The following RBPJ variants were observed in gnomAD, a reference collection of about 807,000 sequenced individuals.
The protein encoded by RBPJ is recombining binding protein suppressor of hairless.
In RBPJ, 9 loss-of-function variants were observed where a neutral mutation model predicts 67.8. That is an observed-to-expected ratio of 0.13 (90% confidence interval 0.08 to 0.23). RBPJ has a LOEUF of 0.23. RBPJ is among the 10% of genes least tolerant of loss of function. The pLI is 1.00. For missense variants in RBPJ, 305 were observed against 595.6 expected (o/e 0.51, Z 5.08); for synonymous variants, 198 against 203.3 (o/e 0.97, Z 0.22).
intron 1 of RBPJ, among the ~76,000 whole-genome samples, chr4:26,189,039 G>T (rs1577452266): frequency 6.6e-6 from 1 of 152,264 alleles, no homozygotes; most frequent in African/African-American, 2.4e-5. Flanking sequence ...GACCTTGGGA[G>T]TAAATGAGAA....
At chr4:26,273,814 G>A (rs1408805051) in intron 1 of RBPJ, among the ~76,000 whole-genome samples, 6 of 152,158 alleles carry the variant, frequency 3.9e-5, no homozygotes, top group East Asian at 1.9e-4. Flanking sequence ...TGCTTGGTAT[G>A]CCAACGGTTC....
intron 1 of RBPJ, among the ~76,000 whole-genome samples, chr4:26,267,653 G>T (rs994181540): frequency 2.6e-5 from 4 of 151,706 alleles, no homozygotes; most frequent in Admixed American, 6.6e-5. Context: ...TGTCACCCAG[G>T]CTGGAGTACA....
chr4:26,107,291 A>G, the RBPJ span, among the ~76,000 whole-genome samples: 3 of 152,220 alleles, frequency 2.0e-5, no homozygotes, highest in East Asian at 5.8e-4. Flanking sequence ...ACTCCTCCTA[A>G]CACACCAAAG....
chr4:26,229,585 G>A (rs1346298457), intron 1 of RBPJ, among the ~76,000 whole-genome samples: 2 of 152,142 alleles, frequency 1.3e-5, no homozygotes, highest in African/African-American at 4.8e-5. Context: ...CTGAGAGGCA[G>A]AATAAAGTAA....
At chr4:26,250,730 G>A (rs1671784081) in intron 1 of RBPJ, among the ~76,000 whole-genome samples, 1 of 152,134 alleles carries the variant, frequency 6.6e-6, no homozygotes, top group Admixed American at 6.5e-5. Context: ...CTACCTTTGG[G>A]TTATTGTAAA....
At chr4:26,274,947 AAAAAG>A (rs991070715) in intron 1 of RBPJ, among the ~76,000 whole-genome samples, 12 of 152,206 alleles carry the variant, frequency 7.9e-5, no homozygotes, top group South Asian at 2.1e-4. Flanking sequence ...AAAAAAACAA[AAAAAG>A]AAAAGAAAAG....
intron 2 of RBPJ, among the ~76,000 whole-genome samples, chr4:26,405,315 G>A (rs1307824405): frequency 6.6e-6 from 1 of 152,088 alleles, no homozygotes; most frequent in Non-Finnish European, 1.5e-5. Context: ...TGTCTTTATA[G>A]TATCAGGAAA....
chr4:26,278,801 G>A (rs1370797089), intron 1 of RBPJ, among the ~76,000 whole-genome samples: 1 of 152,186 alleles, frequency 6.6e-6, no homozygotes, highest in Non-Finnish European at 1.5e-5. Flanking sequence ...GTTTCTAGCA[G>A]ATTTGAAGTA....
At chr4:26,214,226 G>T (rs1718535428) in intron 1 of RBPJ, among the ~76,000 whole-genome samples, 1 of 141,062 alleles carries the variant, frequency 7.1e-6, no homozygotes, top group Non-Finnish European at 1.5e-5. Flanking sequence ...AGCAAAGGAA[G>T]GAGAGAAAGA....
At chr4:26,202,970 TAAGGAAGGAAG>T (rs1718036714) in intron 1 of RBPJ, among the ~76,000 whole-genome samples, 1 of 138,506 alleles carries the variant, frequency 7.2e-6, no homozygotes, top group African/African-American at 2.7e-5. Flanking sequence ...AGGAAGGAAA[TAAGGAAGGAAG>T]GAAGGAAGGA....
Position 26,430,508 on chromosome 4 carries a change from T to C in RBPJ, c.1134T>C (p.Ala378=). 1 of 1,606,992 alleles carries C rather than the reference T, an allele frequency of 6.2e-7. No homozygotes were observed. The highest frequency in any genetic ancestry group is 8.5e-7 in the Non-Finnish European group (1 of 1,177,758). The part of the protein sequence containing the change: ...NLRVWFGDVE[A]ETMYRCGESM... ...GAGTGTGGTTTGGGGATGTAGAAGC[T>C]GAAACTATGTACAGGTACTTGATAA... The change falls in exon 10 of 11, where the codon GCT becomes GCC. Residue 378 remains alanine (A), a synonymous_variant. Transcript: ENST00000355476. The surrounding 1 kb of genome is among the most constrained non-coding windows in gnomAD (Gnocchi z 4.1).
rs935123604 is a variant in RBPJ at position 26,321,120 on chromosome 4, G to C, written c.20+72G>C. 17 of 1,286,740 alleles carry C rather than the reference G, an allele frequency of 1.3e-5. No individual in the cohort carries two copies. The Admixed American group carries it at 2.6e-4, about 19-fold the overall frequency. The allele number at this position is 1,286,740 out of a possible 1,614,324, so 79.7% of individuals were successfully genotyped here. On this transcript the variant is annotated intron_variant, in intron 1 of 10. Coordinates refer to ENST00000355476, the MANE Select transcript of RBPJ (RefSeq NM_015874.6). Reference sequence around the variant, plus strand: ...CGTCTGGCAGCTCACGGCGGGCAGCGGGTTCGGGGGCCGCGGCGCGCTTGG... The same window carrying C: ...CGTCTGGCAGCTCACGGCGGGCAGCCGGTTCGGGGGCCGCGGCGCGCTTGG...
chr4:26,244,200 T>G (rs1346217550), intron 1 of RBPJ, among the ~76,000 whole-genome samples: 56 of 143,262 alleles, frequency 3.9e-4, no homozygotes, highest in African/African-American at 1.4e-3. Flanking sequence ...TATATGTGTC[T>G]ATATATGTAT....
At chr4:26,271,816 T>C (rs933321615) in intron 1 of RBPJ, among the ~76,000 whole-genome samples, 2 of 152,186 alleles carry the variant, frequency 1.3e-5, no homozygotes, top group Admixed American at 6.5e-5. Flanking sequence ...ATACAAACTA[T>C]GATGTCCTTT....
intron 7 of RBPJ, among the ~76,000 whole-genome samples, chr4:26,427,081 T>A (rs1173955809): frequency 6.6e-6 from 1 of 152,098 alleles, no homozygotes; most frequent in Non-Finnish European, 1.5e-5. Flanking sequence ...GGTGCTTGGA[T>A]TGTTGTCATA....
At chr4:26,411,264 A>G (rs560142216) in intron 3 of RBPJ, among the ~76,000 whole-genome samples, 2 of 152,058 alleles carry the variant, frequency 1.3e-5, no homozygotes, top group African/African-American at 2.4e-5. Flanking sequence ...AATTAAATAA[A>G]TAAATAAATA....
Position 26,329,225 on chromosome 4 carries a change from T to A in RBPJ, c.20+8177T>A, listed in dbSNP as rs142826203. ...TGAGACTGGTCTCGAACTCCTGACC[T>A]CAGGTGATCCACCCGCCTCAGACTC... On this transcript the variant is annotated intron_variant, in intron 1 of 10. Coordinates refer to ENST00000355476, the MANE Select transcript of RBPJ (RefSeq NM_015874.6). Among the ~76,000 whole-genome samples the A allele has an allele frequency of 4.6e-3, 694 of 152,230 alleles. 4 individuals carry two copies. The highest frequency in any genetic ancestry group is 7.9e-3 in the Non-Finnish European group (538 of 68,008).
upstream of RBPJ, among the ~76,000 whole-genome samples, chr4:26,318,213 A>G (rs1193426991): frequency 1.3e-5 from 2 of 152,176 alleles, no homozygotes; most frequent in Non-Finnish European, 2.9e-5. Context: ...ACTGTCCTCC[A>G]AATATCAAAA....
At chr4:26,421,811 G>C (rs13109703) in intron 5 of RBPJ, among the ~76,000 whole-genome samples, 78,899 of 151,806 alleles carry the variant, frequency 0.52, 21,413 homozygotes, top group Admixed American at 0.63. Flanking sequence ...ATCATTATAC[G>C]TAACAGTTGA....
Sources: allele counts gnomAD v4.1 joint callset (sites outside exome capture counted in the v4.1 genomes callset), GRCh38; gene constraint gnomAD v4.1.1; non-coding constraint Gnocchi (gnomAD v3.1); transcripts MANE v1.5; gene names NCBI Gene and HGNC (gene_info 2026-07-23, HGNC 2026-07-21).